ENKUR: variants seen among roughly 807,000 people sequenced by gnomAD.
The protein encoded by ENKUR is enkurin, TRPC channel interacting protein.
In ENKUR, 19 loss-of-function variants were observed where a neutral mutation model predicts 27.6. The observed-to-expected ratio is 0.69, with a 90% CI of 0.48 to 1.01. ENKUR has a LOEUF of 1.01. Ranked by LOEUF, ENKUR falls within the 50% of genes least tolerant of loss-of-function variation. The pLI is 0.00. For missense variants in ENKUR, 312 were observed against 310.5 expected (o/e 1.00, Z -0.04); for synonymous variants, 117 against 96.9 (o/e 1.21, Z -1.22).
chr10:24,990,428 G>A, intron 4 of ENKUR, 35 bp downstream of exon 4: 1 of 1,585,670 alleles, frequency 6.3e-7, no homozygotes, highest in South Asian at 1.2e-5. Flanking sequence ...ATGATCCAAA[G>A]AGTTACAGAT....
chr10:25,023,504 C>A (rs17853392), intron 2 of ENKUR: 1 of 1,614,004 alleles, frequency 6.2e-7, no homozygotes, highest in East Asian at 2.2e-5. Flanking sequence ...CTTGAAAAAA[C>A]CTGGAATATG....
At chr10:25,055,322 G>C (rs1237327696) in intron 2 of ENKUR, among the ~76,000 whole-genome samples, 1 of 151,090 alleles carries the variant, frequency 6.6e-6, no homozygotes, top group Non-Finnish European at 1.5e-5. Context: ...TACCATACAG[G>C]CCACTTCTAA....
At chr10:24,989,982 A>G (rs962899193) in intron 4 of ENKUR, among the ~76,000 whole-genome samples, 4 of 152,186 alleles carry the variant, frequency 2.6e-5, no homozygotes, top group African/African-American at 9.6e-5. Context: ...CAAGAAAAAC[A>G]TATGTGAAAC....
intron 2 of ENKUR, among the ~76,000 whole-genome samples, chr10:25,056,788 G>C (rs1851262064): frequency 6.6e-6 from 1 of 152,188 alleles, no homozygotes; most frequent in Non-Finnish European, 1.5e-5. Flanking sequence ...TGTCAATATA[G>C]AGAGGCTATT....
intron 2 of ENKUR, among the ~76,000 whole-genome samples, chr10:25,050,932 T>C (rs1228438937): frequency 6.6e-6 from 1 of 152,222 alleles, no homozygotes; most frequent in African/African-American, 2.4e-5. Context: ...ATGGGTCACC[T>C]TTGTGCTGAT....
At chr10:24,988,622 A>G (rs1849845025) in intron 4 of ENKUR, among the ~76,000 whole-genome samples, 1 of 105,792 alleles carries the variant, frequency 9.5e-6, no homozygotes, top group South Asian at 3.1e-4. Flanking sequence ...GGAGGATTAT[A>G]GATCTTTAGC....
intron 2 of ENKUR, among the ~76,000 whole-genome samples, chr10:25,045,440 T>C (rs1030545967): frequency 1.3e-5 from 2 of 152,182 alleles, no homozygotes; most frequent in African/African-American, 2.4e-5. Flanking sequence ...AGAAAAATAA[T>C]GAGTTTCTTT....
chr10:25,028,343 A>C (rs1850893363), intron 2 of ENKUR, among the ~76,000 whole-genome samples: 1 of 152,198 alleles, frequency 6.6e-6, no homozygotes, highest in African/African-American at 2.4e-5. Context: ...GCTTCCCATC[A>C]TCAAGTGTAT....
intron 4 of ENKUR, among the ~76,000 whole-genome samples, chr10:24,988,554 A>T (rs1849843245): frequency 6.8e-6 from 1 of 147,348 alleles, no homozygotes; most frequent in African/African-American, 2.5e-5. Context: ...AGAGATATGA[A>T]TGTGTGTCTG....
chr10:24,997,105 T>C (rs1004071348), intron 2 of ENKUR, among the ~76,000 whole-genome samples: 2 of 152,172 alleles, frequency 1.3e-5, no homozygotes, highest in African/African-American at 4.8e-5. Context: ...TCCCAGCTAC[T>C]TGGGAGGCTG....
intron 4 of ENKUR, among the ~76,000 whole-genome samples, chr10:24,987,570 C>A (rs1471587214): frequency 6.6e-6 from 1 of 152,186 alleles, no homozygotes; most frequent in Non-Finnish European, 1.5e-5. Context: ...GCCTAGGCAA[C>A]AGAGCAAGAC....
intron 2 of ENKUR, among the ~76,000 whole-genome samples, chr10:25,029,403 GT>G (rs1403017604): frequency 6.6e-6 from 1 of 152,078 alleles, no homozygotes; most frequent in African/African-American, 2.4e-5. Context: ...TCAAAATAGA[GT>G]TTAGAAGACA....
chr10:25,016,537 A>G (rs998787251), upstream of ENKUR: 1 of 152,452 alleles, frequency 6.6e-6, no homozygotes, highest in Admixed American at 6.5e-5. Flanking sequence ...GAGCCTGAGG[A>G]GATCGGAGTG....
At chr10:25,013,764 G>A (rs1850503839) in intron 1 of ENKUR, among the ~76,000 whole-genome samples, 1 of 152,116 alleles carries the variant, frequency 6.6e-6, no homozygotes, top group African/African-American at 2.4e-5. Context: ...CCACCATGGT[G>A]AAACCCCATC....
At chr10:25,044,895 T>A (rs966841529) in intron 2 of ENKUR, among the ~76,000 whole-genome samples, 3 of 152,258 alleles carry the variant, frequency 2.0e-5, no homozygotes, top group Admixed American at 1.3e-4. Context: ...ATCCCTACTG[T>A]GGATTTCTCC....
At chr10:24,998,674 T>C (rs1237020610) in intron 2 of ENKUR, among the ~76,000 whole-genome samples, 1 of 152,110 alleles carries the variant, frequency 6.6e-6, no homozygotes, top group Non-Finnish European at 1.5e-5. Context: ...TACATACCTG[T>C]CACACATCAC....
At chr10:25,031,728 G>A (rs957234742) in intron 2 of ENKUR, among the ~76,000 whole-genome samples, 18 of 135,668 alleles carry the variant, frequency 1.3e-4, no homozygotes, top group African/African-American at 4.3e-4. Flanking sequence ...CCATTGTCAC[G>A]TTTTTAGTTC....
chr10:25,041,790 C>T (rs912330591), intron 2 of ENKUR, among the ~76,000 whole-genome samples: 2 of 152,050 alleles, frequency 1.3e-5, no homozygotes, highest in Admixed American at 1.3e-4. Context: ...CTGAGATTTT[C>T]CATTTTTTGA....
chr10:25,037,893 G>GT (rs1328249226), intron 2 of ENKUR, among the ~76,000 whole-genome samples: 2 of 151,958 alleles, frequency 1.3e-5, no homozygotes, highest in African/African-American at 4.8e-5. Context: ...CTTTCTCATC[G>GT]TTATCATTTT....
Sources: allele counts gnomAD v4.1 joint callset (sites outside exome capture counted in the v4.1 genomes callset), GRCh38; gene constraint gnomAD v4.1.1; transcripts MANE v1.5; gene names NCBI Gene and HGNC (gene_info 2026-07-23, HGNC 2026-07-21).